SLC44A5: variants seen among roughly 807,000 people sequenced by gnomAD.
The protein encoded by SLC44A5 is choline transporter-like protein 5.
In SLC44A5, 57 loss-of-function variants were observed where a neutral mutation model predicts 101.8. The observed-to-expected ratio is 0.56, with a 90% CI of 0.45 to 0.70. SLC44A5 has a LOEUF of 0.70. Among genes scored for constraint, SLC44A5 ranks in the 30% least tolerant of loss-of-function variants. SLC44A5 has a pLI of 0.00. For missense variants in SLC44A5, 737 were observed against 853.1 expected (o/e 0.86, Z 1.70); for synonymous variants, 281 against 290.9 (o/e 0.97, Z 0.35).
intron 3 of SLC44A5, among the ~76,000 whole-genome samples, chr1:75,386,103 T>C (rs1228959632): frequency 6.6e-6 from 1 of 151,562 alleles, no homozygotes; most frequent in African/African-American, 2.4e-5. Flanking sequence ...GCCAATATCA[T>C]ACTGAATGGG....
intron 5 of SLC44A5, among the ~76,000 whole-genome samples, chr1:75,300,014 C>CAAAAAAAAAAAAAAAAAAAAAAAAAAAAA (rs35608663): frequency 1.1e-5 from 1 of 93,796 alleles, no homozygotes; most frequent in African/African-American, 5.4e-5. Context: ...GACTCTGTCT[C>CAAAAAAAAAAAAAAAAAAAAAAAAAAAAA]AAAAAAAAAA....
chr1:75,633,991 G>T, the SLC44A5 span, among the ~76,000 whole-genome samples: 1 of 151,866 alleles, frequency 6.6e-6, no homozygotes, highest in Admixed American at 6.6e-5. Context: ...TGTGGTTTTT[G>T]TCTTTGGTTC....
intron 4 of SLC44A5, among the ~76,000 whole-genome samples, chr1:75,332,207 T>G (rs965046871): frequency 6.6e-6 from 1 of 152,202 alleles, no homozygotes; most frequent in Non-Finnish European, 1.5e-5. Flanking sequence ...TTGGTATATT[T>G]TCTTCCAGTA....
intron 7 of SLC44A5, among the ~76,000 whole-genome samples, chr1:75,243,281 C>T (rs1365776800): frequency 6.6e-6 from 1 of 151,922 alleles, no homozygotes; most frequent in African/African-American, 2.4e-5. Flanking sequence ...AGACTACAGG[C>T]AAACACCACC....
chr1:75,500,932 T>C (rs1455571197), intron 2 of SLC44A5, among the ~76,000 whole-genome samples: 1 of 152,208 alleles, frequency 6.6e-6, no homozygotes, highest in African/African-American at 2.4e-5. Context: ...ACCTCTTTGT[T>C]CTCATGCATA....
At chr1:75,690,992 G>GA in the SLC44A5 span, among the ~76,000 whole-genome samples, 35,008 of 147,444 alleles carry the variant, frequency 0.24, 4,537 homozygotes, top group Middle Eastern at 0.36. Flanking sequence ...GAAAATAAAG[G>GA]AAAAAAAAAA....
chr1:75,315,823 C>T (rs145712955), intron 4 of SLC44A5, among the ~76,000 whole-genome samples: 6 of 152,238 alleles, frequency 3.9e-5, no homozygotes, highest in Admixed American at 1.3e-4. Flanking sequence ...CTCTGCCCGC[C>T]GCTCACTCTT....
intron 7 of SLC44A5, 66 bp from the exon 8 acceptor site, chr1:75,243,077 T>C (rs933259340): frequency 2.0e-6 from 3 of 1,501,182 alleles, no homozygotes; most frequent in South Asian, 2.9e-5. Flanking sequence ...CCTATAAAGC[T>C]AGACTTCTAA....
chr1:75,647,960 C>A, the SLC44A5 span, among the ~76,000 whole-genome samples: 2 of 152,110 alleles, frequency 1.3e-5, no homozygotes, highest in African/African-American at 4.8e-5. Context: ...TTTTGGAAGG[C>A]ATAATTTTGT....
At chr1:75,348,844 A>G (rs1658436322) in intron 3 of SLC44A5, among the ~76,000 whole-genome samples, 1 of 152,224 alleles carries the variant, frequency 6.6e-6, no homozygotes, top group African/African-American at 2.4e-5. Context: ...TTGTAGATAA[A>G]TGTGAAGAAC....
intron 2 of SLC44A5, among the ~76,000 whole-genome samples, chr1:75,476,391 C>G (rs921511494): frequency 3.3e-5 from 5 of 152,142 alleles, no homozygotes; most frequent in South Asian, 2.1e-4. Context: ...GAGTGCCAGA[C>G]AGTGGGCGCA....
upstream of SLC44A5, among the ~76,000 whole-genome samples, chr1:75,614,241 T>A (rs923757747): frequency 6.6e-6 from 1 of 152,210 alleles, no homozygotes; most frequent in African/African-American, 2.4e-5. Flanking sequence ...TGTAGGTGAA[T>A]ATATTCTCTC....
At chr1:75,649,935 A>C in the SLC44A5 span, among the ~76,000 whole-genome samples, 1 of 152,140 alleles carries the variant, frequency 6.6e-6, no homozygotes, top group Non-Finnish European at 1.5e-5. Flanking sequence ...GTATTTAATA[A>C]GTCTTGATAC....
chr1:75,203,738 T>C lies in SLC44A5; in HGVS notation c.2143A>G (p.Arg715Gly). 2 of 1,548,974 alleles carry C rather than the reference T, an allele frequency of 1.3e-6. No individual in the cohort carries two copies. The highest frequency in any genetic ancestry group is 1.4e-5 in the African/African-American group (1 of 73,036). Residue 715 changes from arginine to glycine, a missense_variant, in exon 24 of 24, where the codon AGG becomes GGG. Around this residue, in one of 3 missense-constraint regions of SLC44A5, gnomAD observed 61 missense variants for 56.5 expected, o/e 1.08. Transcript: ENST00000370859. ...KIFQEENPQT[R>G]KQ ...ACCAGTTTGCTCTTCTACTGCTTCC[T>C]AGTTTGTGGATTTTCCTCCTGGAAA...
intron 2 of SLC44A5, among the ~76,000 whole-genome samples, chr1:75,430,327 T>C (rs1664544905): frequency 6.6e-6 from 1 of 152,124 alleles, no homozygotes; most frequent in South Asian, 2.1e-4. Flanking sequence ...ACTCACTAGA[T>C]ACAGAACCTG....
chr1:75,270,072 C>T (rs186395695), intron 6 of SLC44A5, among the ~76,000 whole-genome samples: 20 of 152,234 alleles, frequency 1.3e-4, no homozygotes, highest in Admixed American at 1.3e-3. Context: ...TGTGAGGCCT[C>T]CCCAACCACG....
intron 2 of SLC44A5, among the ~76,000 whole-genome samples, chr1:75,527,224 CAGAG>C (rs757709081): frequency 2.2e-5 from 3 of 136,196 alleles, no homozygotes; most frequent in African/African-American, 5.5e-5. Flanking sequence ...GGGAGGAAGA[CAGAG>C]AGAGAGAGAA....
chr1:75,294,241 G>C (rs1653788193), intron 5 of SLC44A5, among the ~76,000 whole-genome samples: 1 of 152,130 alleles, frequency 6.6e-6, no homozygotes. Flanking sequence ...CTCTTGCAAT[G>C]AATATTGTGG....
At chr1:75,206,234 T>G (rs1200709176) in intron 23 of SLC44A5, 3 of 169,012 alleles carry the variant, frequency 1.8e-5, no homozygotes, top group African/African-American at 7.2e-5. Flanking sequence ...TATGGCTAAT[T>G]AATTACACAT....
Sources: gnomAD v4.1 joint callset for allele counts (sites outside exome capture counted in the v4.1 genomes callset) on GRCh38, gnomAD v4.1.1 for gene constraint, gnomAD v4.1.1 regional missense constraint, MANE v1.5 for transcripts, NCBI Gene and HGNC (gene_info 2026-07-23, HGNC 2026-07-21) for gene names.